The following NR2F1-AS1 variants were observed in gnomAD, a reference collection of about 807,000 sequenced individuals.
The protein encoded by NR2F1-AS1 is NR2F1 antisense RNA 1.
At chr5:93,496,006 A>G (rs1315617995) in intron 4 of NR2F1-AS1, 2 of 152,156 alleles carry the variant, frequency 1.3e-5, no homozygotes, top group Admixed American at 1.3e-4. Context: ...GAACATAAAG[A>G]GAAAACTCAA....
chr5:93,480,710 C>A (rs1384381599), intron 4 of NR2F1-AS1, among the ~76,000 whole-genome samples: 1 of 151,898 alleles, frequency 6.6e-6, no homozygotes, highest in East Asian at 1.9e-4. Flanking sequence ...GCACATAATG[C>A]ATAAAGATAC....
At chr5:93,482,096 AT>A (rs1446618885) in intron 4 of NR2F1-AS1, among the ~76,000 whole-genome samples, 1 of 152,104 alleles carries the variant, frequency 6.6e-6, no homozygotes, top group East Asian at 1.9e-4. Flanking sequence ...AGAAAAATCA[AT>A]AGGAACAAAA....
In NR2F1-AS1 at chr5:93,484,802, G is replaced by T. The variant is rs1166489813; in HGVS notation, n.638+68959C>A. Among the ~76,000 whole-genome samples, 3 of 150,862 alleles carry T rather than the reference G, an allele frequency of 2.0e-5. No homozygotes were observed. The East Asian group carries it at 5.8e-4, about 29-fold the overall frequency. On this transcript the variant is annotated intron_variant and non_coding_transcript_variant, in intron 4 of 5. Coordinates refer to ENST00000660523, the Ensembl canonical transcript of NR2F1-AS1. The stretch of plus-strand genomic sequence containing the variant: ...GCAAAAAAAAAAAAAAAAAATGCAG[G>T]GGTTGCAATCCTAGTCTCTGATAAA...
chr5:93,566,017 T>C (rs1752610348), intron 1 of NR2F1-AS1, among the ~76,000 whole-genome samples: 2 of 151,928 alleles, frequency 1.3e-5, no homozygotes, highest in East Asian at 1.9e-4. Flanking sequence ...AGCCTAGTGT[T>C]TCATCGTCAG....
At chr5:93,526,032 C>CA (rs1201609320) in intron 4 of NR2F1-AS1, among the ~76,000 whole-genome samples, 5 of 151,782 alleles carry the variant, frequency 3.3e-5, no homozygotes, top group African/African-American at 7.3e-5. Context: ...GAGATAGACA[C>CA]AAAAAAACCC....
intron 4 of NR2F1-AS1, among the ~76,000 whole-genome samples, chr5:93,552,652 T>A: frequency 7.0e-6 from 1 of 142,722 alleles, no homozygotes. Context: ...GAAGAAAAAT[T>A]GAAAGATAAT....
At chr5:93,460,285 G>A (rs962484316) in intron 4 of NR2F1-AS1, among the ~76,000 whole-genome samples, 10 of 152,296 alleles carry the variant, frequency 6.6e-5, no homozygotes, top group African/African-American at 2.4e-4. Context: ...TGGATAATAT[G>A]TGGGGCAAAG....
At chr5:93,478,547 G>A (rs1750535909) in intron 4 of NR2F1-AS1, among the ~76,000 whole-genome samples, 1 of 152,094 alleles carries the variant, frequency 6.6e-6, no homozygotes, top group Admixed American at 6.5e-5. Context: ...GAGATTACAG[G>A]TGTGTGCCAC....
At chr5:93,508,953 C>T (rs1751241156) in intron 4 of NR2F1-AS1, among the ~76,000 whole-genome samples, 1 of 152,018 alleles carries the variant, frequency 6.6e-6, no homozygotes, top group African/African-American at 2.4e-5. Flanking sequence ...GAATGACTGG[C>T]TACATCAGGC....
intron 4 of NR2F1-AS1, among the ~76,000 whole-genome samples, chr5:93,538,599 T>G (rs530205517): frequency 6.6e-6 from 1 of 152,362 alleles, no homozygotes; most frequent in Admixed American, 6.5e-5. Flanking sequence ...TTTTTGAACC[T>G]AACAGTTGTA....
At chr5:93,489,767 T>C (rs138791309) in intron 4 of NR2F1-AS1, among the ~76,000 whole-genome samples, 5 of 152,294 alleles carry the variant, frequency 3.3e-5, no homozygotes, top group Non-Finnish European at 5.9e-5. Flanking sequence ...GTTTGGGGCT[T>C]GTGTTGAAGT....
chr5:93,501,510 T>C (rs142848570), intron 4 of NR2F1-AS1, among the ~76,000 whole-genome samples: 7,018 of 151,898 alleles, frequency 0.046, 531 homozygotes, highest in African/African-American at 0.16. Context: ...TCCACCACCA[T>C]ACCCAGCTAA....
intron 1 of NR2F1-AS1, chr5:93,570,569 G>C (rs1752730763): frequency 6.6e-6 from 1 of 152,072 alleles, no homozygotes; most frequent in South Asian, 2.1e-4. Flanking sequence ...GCGCGGAACC[G>C]GGCCGTGGGC....
At chr5:93,461,092 A>C (rs1750080380) in intron 4 of NR2F1-AS1, among the ~76,000 whole-genome samples, 1 of 152,242 alleles carries the variant, frequency 6.6e-6, no homozygotes, top group Non-Finnish European at 1.5e-5. Context: ...CCAAATGCCC[A>C]TCAATGATAG....
intron 4 of NR2F1-AS1, among the ~76,000 whole-genome samples, chr5:93,433,104 G>A (rs1224035898): frequency 6.6e-6 from 1 of 152,040 alleles, no homozygotes; most frequent in Admixed American, 6.6e-5. Context: ...GATACATTGT[G>A]GCAGTTTTGA....
intron 4 of NR2F1-AS1, among the ~76,000 whole-genome samples, chr5:93,526,412 A>T (rs1751616095): frequency 6.6e-6 from 1 of 152,210 alleles, no homozygotes; most frequent in Non-Finnish European, 1.5e-5. Flanking sequence ...ATTCTAGCAG[A>T]GGTACAAAGA....
chr5:93,491,778 C>T (rs978375705), intron 4 of NR2F1-AS1, among the ~76,000 whole-genome samples: 2 of 152,188 alleles, frequency 1.3e-5, no homozygotes, highest in African/African-American at 4.8e-5. Context: ...ATGACTTATA[C>T]TGGTAGCCTC....
chr5:93,522,792 G>GAGGGACGGTGCATTC lies in NR2F1-AS1; in HGVS notation n.638+30954_638+30968dup, dbSNP rs1458886138. ...AAGGGAAGCCATGAGAGACTGACAT[G>GAGGGACGGTGCATTC]AGGGACGGTGCATTCTGGCCCAGAT... is the stretch of plus-strand genomic sequence containing the variant. On this transcript the variant is annotated intron_variant and non_coding_transcript_variant, in intron 4 of 5. Transcript: ENST00000660523. Among the ~76,000 whole-genome samples the GAGGGACGGTGCATTC allele has an allele frequency of 2.0e-5, 3 of 152,196 alleles. No homozygotes were observed. In the East Asian group the frequency reaches 5.8e-4, roughly 29 times the overall value.
intron 4 of NR2F1-AS1, among the ~76,000 whole-genome samples, chr5:93,547,103 A>G (rs1752104908): frequency 6.6e-6 from 1 of 152,124 alleles, no homozygotes; most frequent in Non-Finnish European, 1.5e-5. Flanking sequence ...CAATTGTGTG[A>G]GCCAATTTCT....
Sources: allele counts gnomAD v4.1 joint callset (sites outside exome capture counted in the v4.1 genomes callset), GRCh38; gene constraint gnomAD v4.1.1; transcripts MANE v1.5; gene names NCBI Gene and HGNC (gene_info 2026-07-23, HGNC 2026-07-21).